The following ABCA12 variants were observed in gnomAD, a reference collection of about 807,000 sequenced individuals.
ABCA12 encodes the protein glucosylceramide transporter ABCA12.
In ABCA12, 156 loss-of-function variants were observed where a neutral mutation model predicts 293.5. The ratio of observed to expected loss-of-function variants is 0.53; its 90% CI spans 0.47 to 0.61. ABCA12 has a LOEUF of 0.61. Ranked by LOEUF, ABCA12 falls within the 20% of genes least tolerant of loss-of-function variation. The pLI is 0.00. For synonymous variants in ABCA12, 1,063 were observed against 1,108.0 expected, an observed-to-expected ratio of 0.96 and a Z score of 0.81; for missense variants, 2,797 against 3,090.2, an observed-to-expected ratio of 0.91 and a Z score of 2.25.
intron 22 of ABCA12, among the ~76,000 whole-genome samples, chr2:214,999,460 T>A (rs1389377901): frequency 6.6e-6 from 1 of 152,160 alleles, no homozygotes; most frequent in Non-Finnish European, 1.5e-5. Context: ...CTACTTACAT[T>A]ATGAGGTTGT....
chr2:214,950,378 ATATATCTGTGTG>A (rs1353748686), intron 45 of ABCA12, among the ~76,000 whole-genome samples: 2 of 75,770 alleles, frequency 2.6e-5, no homozygotes, highest in Non-Finnish European at 5.8e-5. Context: ...GTGTGTATAT[ATATATCTGTGTG>A]TGTGTGTGTG....
intron 2 of ABCA12, among the ~76,000 whole-genome samples, chr2:215,089,623 G>A (rs992797128): frequency 2.6e-5 from 4 of 152,122 alleles, no homozygotes; most frequent in Admixed American, 6.5e-5. Flanking sequence ...AGTGGAGGTC[G>A]CTAAAGATTT....
intron 8 of ABCA12, chr2:215,032,284 ATTTTTT>A: frequency 1.1e-5 from 2 of 176,350 alleles, no homozygotes; most frequent in African/African-American, 2.6e-5. Flanking sequence ...GGGTCACTGG[ATTTTTT>A]TTTTTTTTTT....
In ABCA12 at chr2:215,015,653, T is replaced by G; in HGVS notation, c.1793A>C (p.Gln598Pro). The G allele has an allele frequency of 6.2e-7, 1 of 1,613,954 alleles. No individual in the cohort carries two copies. The highest frequency in any genetic ancestry group is 1.1e-5 in the South Asian group (1 of 91,070). The change falls in exon 15 of 53, where the codon CAG becomes CCG. Residue 598 changes from glutamine to proline, a missense_variant. This residue lies in a region of ABCA12 where 2,130 missense variants were observed against 2,427.0 expected (regional missense o/e 0.88). Coordinates refer to ENST00000272895, the MANE Select transcript of ABCA12 (RefSeq NM_173076.3). Reference protein sequence around the residue: ...IPDNRAEIISQVFWLHSCDTN... With the variant: ...IPDNRAEIISPVFWLHSCDTN... ...ATCACAGGAATGCAGCCAGAACACC[T>G]GAGAAATAATCTGCAAATGGAGGAA...
chr2:215,110,138 A>G (rs1310728887), intron 2 of ABCA12, among the ~76,000 whole-genome samples: 2 of 152,248 alleles, frequency 1.3e-5, no homozygotes, highest in Non-Finnish European at 2.9e-5. Context: ...TGAAGAGAGC[A>G]AAATTATGCT....
At position 215,011,637 on chromosome 2, in the gene ABCA12, T is replaced by C. The variant is rs1442286746; in HGVS notation, c.2134A>G (p.Ser712Gly). Residue 712 changes from serine to glycine, a missense_variant, in exon 17 of 53, where the codon AGC (serine) becomes GGC (glycine). Physicochemically the swap from Ser to Gly is moderately conservative, Grantham distance 56 (BLOSUM62 0). Coordinates refer to ENST00000272895, the MANE Select transcript of ABCA12 (RefSeq NM_173076.3). ...SVPLTQAMYR[S>G]NRMNTPQGSF... ...CCTTGTGGTGTGTTCATTCGGTTGC[T>C]TCTGTACATTGCCTGTGAGACAAAA... 3 of 1,614,050 alleles carry C rather than the reference T, an allele frequency of 1.9e-6. No homozygotes were observed. The highest frequency in any genetic ancestry group is 4.5e-5 in the East Asian group (2 of 44,870).
At chr2:215,069,142 C>T (rs911498669) in intron 2 of ABCA12, among the ~76,000 whole-genome samples, 1 of 151,620 alleles carries the variant, frequency 6.6e-6, no homozygotes, top group African/African-American at 2.4e-5. Context: ...TAGTCTTTAC[C>T]CCAGTGAAGA....
At chr2:215,088,505 C>T (rs1016852357) in intron 2 of ABCA12, among the ~76,000 whole-genome samples, 2 of 152,120 alleles carry the variant, frequency 1.3e-5, no homozygotes, top group African/African-American at 4.8e-5. Context: ...GTGTAATATA[C>T]CCACATTTCC....
intron 31 of ABCA12, among the ~76,000 whole-genome samples, chr2:214,980,114 TAGG>T (rs1699613961): frequency 6.6e-6 from 1 of 152,206 alleles, no homozygotes; most frequent in Admixed American, 6.5e-5. Flanking sequence ...GTTGAAATGT[TAGG>T]AGAACTAAAA....
At chr2:215,128,417 TTCCTTAGG>T (rs1453039296) in intron 1 of ABCA12, among the ~76,000 whole-genome samples, 2 of 152,232 alleles carry the variant, frequency 1.3e-5, no homozygotes, top group African/African-American at 4.8e-5. Flanking sequence ...AATTCTCTTC[TTCCTTAGG>T]AACACCAATT....
At chr2:215,012,171 G>C in intron 15 of ABCA12, 36 bp from the exon 16 acceptor site, 1 of 1,601,180 alleles carries the variant, frequency 6.2e-7, no homozygotes. Context: ...TGCTTTATGT[G>C]GAAAAATTGA....
intron 23 of ABCA12, among the ~76,000 whole-genome samples, chr2:214,995,185 A>T (rs1425874974): frequency 1.3e-5 from 2 of 152,220 alleles, no homozygotes; most frequent in Non-Finnish European, 1.5e-5. Context: ...TAACAAAGTC[A>T]AAGATAAGTG....
At position 215,000,917 on chromosome 2, in the gene ABCA12, G is replaced by C. The variant is rs762610033; in HGVS notation, c.2967C>G (p.Leu989=). The change falls in exon 22 of 53, where the codon CTC becomes CTG. Residue 989 remains leucine, a synonymous_variant. Coordinates refer to ENST00000272895, the MANE Select transcript of ABCA12 (RefSeq NM_173076.3). ...PVIKYTIRMS[L]KTAQTTRSLR... ...GGCTTCTTGTGGTCTGTGCGGTCTT[G>C]AGACTCATCCGGATGGTATATTTTA... 3 of 1,614,142 alleles carry C rather than the reference G, an allele frequency of 1.9e-6. No individual in the cohort carries two copies. The highest frequency in any genetic ancestry group is 2.2e-5 in the East Asian group (1 of 44,888).
chr2:215,111,447 G>A (rs1702568003), intron 2 of ABCA12, 150 bp downstream of exon 2: 2 of 584,182 alleles, frequency 3.4e-6, no homozygotes. Flanking sequence ...AAAATCTAGG[G>A]TAAAAAACAC....
intron 11 of ABCA12, among the ~76,000 whole-genome samples, chr2:215,024,377 A>G (rs1456336273): frequency 6.6e-6 from 1 of 152,190 alleles, no homozygotes; most frequent in Non-Finnish European, 1.5e-5. Flanking sequence ...CATATAATTG[A>G]TAAAAAAATG....
chr2:215,105,673 T>G (rs1414413075), intron 2 of ABCA12, among the ~76,000 whole-genome samples: 1 of 150,224 alleles, frequency 6.7e-6, no homozygotes, highest in Non-Finnish European at 1.5e-5. Context: ...CATGAGACAA[T>G]GGGATCTTGA....
intron 1 of ABCA12, among the ~76,000 whole-genome samples, chr2:215,114,454 C>A (rs1419760337): frequency 6.6e-6 from 1 of 152,116 alleles, no homozygotes; most frequent in Non-Finnish European, 1.5e-5. Context: ...TTTTTGTATT[C>A]TCTGGGTGCA....
chr2:214,934,028 ATAATAT>A (rs1476235563), intron 52 of ABCA12, 44 bp downstream of exon 52: 5 of 1,569,034 alleles, frequency 3.2e-6, no homozygotes, highest in Non-Finnish European at 4.4e-6. Context: ...AGAATGAATA[ATAATAT>A]TAATATGTGA....
intron 2 of ABCA12, 127 bp downstream of exon 2, chr2:215,111,470 T>C: frequency 1.5e-6 from 1 of 672,182 alleles, no homozygotes; most frequent in Non-Finnish European, 2.6e-6. Flanking sequence ...AAATTGTTCA[T>C]ATTAATCCTT....
Sources: allele counts gnomAD v4.1 joint callset (sites outside exome capture counted in the v4.1 genomes callset), GRCh38; gene constraint gnomAD v4.1.1; regional missense constraint gnomAD v4.1.1; transcripts MANE v1.5; gene names NCBI Gene and HGNC (gene_info 2026-07-23, HGNC 2026-07-21).